The following MTF1 variants were observed in gnomAD, a reference collection of about 807,000 sequenced individuals.
MTF1 encodes metal regulatory transcription factor 1.
Under a neutral mutation model 70.4 loss-of-function variants are expected in MTF1, and 22 were observed. That is an observed-to-expected ratio of 0.31 (90% confidence interval 0.22 to 0.45). The LOEUF (loss-of-function observed/expected upper bound fraction) is 0.45. Among genes scored for constraint, MTF1 ranks in the 20% least tolerant of loss-of-function variants. MTF1 has a pLI of 1.00. For synonymous variants in MTF1, 333 were observed against 352.8 expected (o/e 0.94, Z 0.63); for missense variants, 649 against 922.0 (o/e 0.70, Z 3.83).
Position 37,822,555 on chromosome 1 carries a change from G to A in MTF1, c.1333C>T (p.Pro445Ser), listed in dbSNP as rs9729276. ...GAGCCAGGTCCTAGGGAGGGAGCAG[G>A]CGGAGGAGCAGACGGAGCTGAGGCA... ...LPASAPSAPP[P>S]APSLGPGSQQ... is the part of the protein sequence containing the mutation. The change falls in exon 9 of 11, where the codon CCT becomes TCT. Residue 445 changes from proline to serine, a missense_variant. Transcript: ENST00000373036. The A allele has an allele frequency of 2.8e-4, 446 of 1,614,122 alleles. 1 individual carries two copies. In the African/African-American group the frequency reaches 5.3e-3, roughly 19 times the overall value.
chr1:37,833,744 G>A (rs1030852183), intron 6 of MTF1, among the ~76,000 whole-genome samples: 3 of 152,072 alleles, frequency 2.0e-5, no homozygotes, highest in African/African-American at 7.2e-5. Context: ...CTTTTATTGG[G>A]TGGTTAGGGA....
At chr1:37,854,242 C>G (rs941893787) in intron 2 of MTF1, among the ~76,000 whole-genome samples, 2 of 152,250 alleles carry the variant, frequency 1.3e-5, no homozygotes, top group African/African-American at 4.8e-5. Flanking sequence ...CTCCTGACCT[C>G]AGGTGATCCA....
intron 2 of MTF1, among the ~76,000 whole-genome samples, chr1:37,842,334 A>T (rs1329351058): frequency 2.6e-5 from 4 of 152,214 alleles, no homozygotes; most frequent in Non-Finnish European, 4.4e-5. Context: ...TTAAAAATTT[A>T]AAAAATGGCA....
At chr1:37,827,336 GTTATTATTATTATTATTATTA>G (rs71573764) in intron 7 of MTF1, among the ~76,000 whole-genome samples, 1 of 144,080 alleles carries the variant, frequency 6.9e-6, no homozygotes, top group Non-Finnish European at 1.5e-5. Flanking sequence ...CCTCATAGTT[GTTATTATTATTATTATTATTA>G]TTATTATTAT....
In MTF1 at chr1:37,809,824, G is replaced by C. The variant is rs1003472677; in HGVS notation, c.*5312C>G. ...AACGTTTTCACATCGCTCAGTGGAA[G>C]TCCGTTGTTCCCATGTTTCACACTT... On this transcript the variant is annotated 3_prime_UTR_variant, in exon 11 of 11. Transcript: ENST00000373036. 1 of 152,568 alleles carries C rather than the reference G, an allele frequency of 6.6e-6. No individual in the cohort carries two copies. The highest frequency in any genetic ancestry group is 1.5e-5 in the Non-Finnish European group (1 of 68,020). The allele number at this position is 152,568 out of a possible 1,614,324, so 9.5% of individuals were successfully genotyped here. A position where few individuals can be genotyped will look rare whatever the true frequency, so the allele number is the denominator to read the frequency against.
intron 4 of MTF1, among the ~76,000 whole-genome samples, chr1:37,837,720 G>T (rs1641191467): frequency 6.6e-6 from 1 of 152,050 alleles, no homozygotes; most frequent in African/African-American, 2.4e-5. Flanking sequence ...TGGCCAGGCT[G>T]GTCTTAAACT....
intron 3 of MTF1, among the ~76,000 whole-genome samples, chr1:37,839,169 G>T (rs1005630921): frequency 6.6e-6 from 1 of 152,062 alleles, no homozygotes; most frequent in South Asian, 2.1e-4. Flanking sequence ...GATCAAGTGC[G>T]TAAGAATTCT....
chr1:37,852,648 C>T (rs55690307), intron 2 of MTF1, among the ~76,000 whole-genome samples: 5 of 128,274 alleles, frequency 3.9e-5, no homozygotes, highest in Non-Finnish European at 8.7e-5. Context: ...TTTTTTTTTT[C>T]CAACCAGATT....
intron 2 of MTF1, among the ~76,000 whole-genome samples, chr1:37,851,433 T>C (rs1009074756): frequency 3.3e-5 from 5 of 152,232 alleles, no homozygotes; most frequent in African/African-American, 1.2e-4. Context: ...TAGTACAAAG[T>C]GGAAAAGTGA....
intron 2 of MTF1, among the ~76,000 whole-genome samples, chr1:37,856,260 C>G (rs1641492572): frequency 6.8e-6 from 1 of 147,170 alleles, no homozygotes; most frequent in Non-Finnish European, 1.5e-5. Flanking sequence ...TCCCTGCCAC[C>G]TCCACCTCCC....
In MTF1 at chr1:37,835,687, G is replaced by A. The variant is rs369657351; in HGVS notation, c.837C>T (p.His279=). Residue 279 remains histidine (H), a synonymous_variant, in exon 5 of 11, where the codon CAC becomes CAT. Coordinates refer to ENST00000373036, the MANE Select transcript of MTF1 (RefSeq NM_005955.3). ...TAAACTCACCAGTATGTGTACGAAC[G>A]TGAGTTTTAAGGTGGTGGCTTGCTG... ...AFAASHHLKT[H]VRTHTGERPF... 1.9e-5 allele frequency: 30 copies of A among 1,614,002 alleles called. No individual in the cohort carries two copies. Among genetic ancestry groups the A allele is most frequent in the African/African-American group, 1.7e-4 (13 of 74,920 alleles).
chr1:37,855,693 A>AT (rs1641481360), intron 2 of MTF1, among the ~76,000 whole-genome samples: 1 of 152,100 alleles, frequency 6.6e-6, no homozygotes, highest in East Asian at 1.9e-4. Flanking sequence ...ATGGTGGTTC[A>AT]TGCCTGTAAT....
rs770004116 is a variant in MTF1, at chr1:37,815,605, G to A, written c.1832-39C>T. 6.8e-7 allele frequency: 1 copy of A among 1,471,844 alleles called. No individual in the cohort carries two copies. The highest frequency in any genetic ancestry group is 1.4e-5 in the African/African-American group (1 of 70,822). 91.2% of individuals were successfully genotyped at this position (1,471,844 alleles called of 1,614,324 possible). On this transcript the variant is annotated intron_variant, in intron 10 of 10. Coordinates refer to ENST00000373036, the MANE Select transcript of MTF1 (RefSeq NM_005955.3). This position sits in a 1 kb window ranked among gnomAD's most constrained non-coding sequence, Gnocchi z 4.5. Reference sequence around the variant, plus strand: ...AAGAGAGACTGCTCTTCAAGTAGCTGCAGGGGCAGGAGCATGAGGGACAGG... The same window carrying A: ...AAGAGAGACTGCTCTTCAAGTAGCTACAGGGGCAGGAGCATGAGGGACAGG...
rs902464503 is a variant in MTF1, at chr1:37,840,798, A to G, written c.409-640T>C. Among the ~76,000 whole-genome samples, 2 of 151,846 alleles carry G rather than the reference A, an allele frequency of 1.3e-5. No individual in the cohort carries two copies. The highest frequency in any genetic ancestry group is 2.4e-5 in the African/African-American group (1 of 41,392). ...GGCAGAAGGTTAAGAAAAAAAAAAA[A>G]GCTGCTTCTCCGACAAATATCAAAT... On this transcript the variant is annotated intron_variant, in intron 2 of 10. Coordinates refer to ENST00000373036, the MANE Select transcript of MTF1 (RefSeq NM_005955.3). The surrounding 1 kb of genome is among the most constrained non-coding windows in gnomAD (Gnocchi z 4.5).
rs1641099095 is a variant in MTF1, at chr1:37,832,308, T to C, written c.1005A>G (p.Ser335=). Reference sequence around the variant, plus strand: ...GAAGGCTCAAGTCACTTAGACAAAGTGAGTGATTTGTATCCTGTGAAAGAG... The same window carrying C: ...GAAGGCTCAAGTCACTTAGACAAAGCGAGTGATTTGTATCCTGTGAAAGAG... The part of the protein sequence containing the change: ...QHNGSEDTNH[S]LCLSDLSLLS... Residue 335 remains serine (S), a synonymous_variant, in exon 7 of 11, where the codon TCA becomes TCG. Coordinates refer to ENST00000373036, the MANE Select transcript of MTF1 (RefSeq NM_005955.3). 2 of 1,612,254 alleles carry C rather than the reference T, an allele frequency of 1.2e-6. No homozygotes were observed. Among genetic ancestry groups the C allele is most frequent in the Non-Finnish European group, 1.7e-6 (2 of 1,178,564 alleles).
rs1480610899 is a variant in MTF1, at chr1:37,832,232, C to T, written c.1068+13G>A. On this transcript the variant is annotated intron_variant, in intron 7 of 10. Coordinates refer to ENST00000373036, the MANE Select transcript of MTF1 (RefSeq NM_005955.3). ...CCTTATTTTTCTAGCACTGGTATTA[C>T]AGGTACACTTACCGTACTGGAATTT... 3 of 1,583,394 alleles carry T rather than the reference C, an allele frequency of 1.9e-6. No individual in the cohort carries two copies. The highest frequency in any genetic ancestry group is 2.2e-5 in the East Asian group (1 of 44,650).
At chr1:37,828,267 AG>A (rs1368545090) in intron 7 of MTF1, 51 of 109,296 alleles carry the variant, frequency 4.7e-4, no homozygotes, top group East Asian at 9.0e-4. Flanking sequence ...GGGGTATGTG[AG>A]GGGGGGGCCT....
intron 9 of MTF1, 100 bp downstream of exon 9, chr1:37,822,021 G>T: frequency 2.2e-6 from 2 of 913,056 alleles, no homozygotes; most frequent in Non-Finnish European, 3.3e-6. Flanking sequence ...TTTCACGGTG[G>T]ATATGACAGC....
Position 37,810,638 on chromosome 1 carries a change from A to G in MTF1, c.*4498T>C, listed in dbSNP as rs1447231012. 1 of 152,232 alleles carries G rather than the reference A, an allele frequency of 6.6e-6. No individual in the cohort carries two copies. The highest frequency in any genetic ancestry group is 2.4e-5 in the African/African-American group (1 of 41,456). The allele number at this position is 152,232 out of a possible 1,614,324, so 9.4% of individuals were successfully genotyped here. A position where few individuals can be genotyped will look rare whatever the true frequency, so the allele number is the denominator to read the frequency against. Reference sequence around the variant, plus strand: ...TTCAGTTTTGTTGCCTCCACCCCCAAATATTAAGGAACAGACAATTTCTGA... The same window carrying G: ...TTCAGTTTTGTTGCCTCCACCCCCAGATATTAAGGAACAGACAATTTCTGA... On this transcript the variant is annotated 3_prime_UTR_variant, in exon 11 of 11. Coordinates refer to ENST00000373036, the MANE Select transcript of MTF1 (RefSeq NM_005955.3).
Sources: gnomAD v4.1 joint callset for allele counts (sites outside exome capture counted in the v4.1 genomes callset) on GRCh38, gnomAD v4.1.1 for gene constraint, Gnocchi (gnomAD v3.1) non-coding constraint, MANE v1.5 for transcripts, NCBI Gene and HGNC (gene_info 2026-07-23, HGNC 2026-07-21) for gene names.